NUDT7: variants seen among roughly 807,000 people sequenced by gnomAD.
NUDT7 encodes peroxisomal coenzyme A diphosphatase NUDT7.
A neutral mutation model predicts 13.1 loss-of-function variants in NUDT7; 19 were observed. That is an observed-to-expected ratio of 1.45 (90% CI 1.01 to 2.13). The LOEUF is 2.13. Ranked by LOEUF, NUDT7 falls within the 30% of genes most tolerant of loss-of-function variation. NUDT7 has a pLI of 0.00. For synonymous variants in NUDT7, 132 were observed against 109.7 expected (o/e 1.20, Z -1.27); for missense variants, 360 against 291.7 (o/e 1.23, Z -1.71).
chr16:77,742,082 T>G lies in NUDT7; in HGVS notation c.*132T>G, dbSNP rs950499843. ...TTCTGCAGTATGTAGTTAGAATCCT[T>G]GCCTCTTTTCCAGTTGCCTTCTATT... On this transcript the variant is annotated 3_prime_UTR_variant, in exon 4 of 4. Transcript: ENST00000268533. The G allele has an allele frequency of 7.0e-6, 10 of 1,433,816 alleles. No individual in the cohort carries two copies. Among genetic ancestry groups the G allele is most frequent in the Admixed American group, 5.6e-5 (2 of 35,768 alleles). The allele number at this position is 1,433,816 out of a possible 1,614,324, so 88.8% of individuals were successfully genotyped here.
At chr16:77,723,167 A>G (rs1275629757) in intron 1 of NUDT7, among the ~76,000 whole-genome samples, 1 of 152,184 alleles carries the variant, frequency 6.6e-6, no homozygotes, top group Admixed American at 6.5e-5. Flanking sequence ...GTGGACAGAT[A>G]ACGTTTTTGC....
At chr16:77,735,071 C>T (rs2014435325) in intron 2 of NUDT7, among the ~76,000 whole-genome samples, 1 of 152,102 alleles carries the variant, frequency 6.6e-6, no homozygotes, top group South Asian at 2.1e-4. Flanking sequence ...AAACAACATG[C>T]CCAGAACATA....
In NUDT7 at chr16:77,741,664, T is replaced by C; in HGVS notation, c.431T>C (p.Val144Ala). ...CCGAATCCTGCTGAAGTTAAGGATGTATTCCTGGTGCCTCTGGCCTATTTC... is the reference window on the plus strand; with the variant it reads ...CCGAATCCTGCTGAAGTTAAGGATGCATTCCTGGTGCCTCTGGCCTATTTC... ...AQPNPAEVKD[V>A]FLVPLAYFLH... The change falls in exon 4 of 4, where the codon GTA (valine) becomes GCA (alanine). Residue 144 changes from valine (V) to alanine (A), a missense_variant. Coordinates refer to ENST00000268533, the MANE Select transcript of NUDT7 (RefSeq NM_001105663.3). The C allele has an allele frequency of 6.2e-7, 1 of 1,614,198 alleles. No individual in the cohort carries two copies. Among genetic ancestry groups the C allele is most frequent in the Non-Finnish European group, 8.5e-7 (1 of 1,180,038 alleles).
chr16:77,733,449 C>G (rs2014380274), intron 2 of NUDT7, among the ~76,000 whole-genome samples: 1 of 152,180 alleles, frequency 6.6e-6, no homozygotes, highest in Admixed American at 6.5e-5. Context: ...GCCCCCATGA[C>G]CTAAACACCT....
In NUDT7 at chr16:77,735,870, C is replaced by T. The variant is rs765625065; in HGVS notation, c.232C>T (p.Arg78Cys). The change falls in exon 3 of 4, where the codon CGT (arginine) becomes TGT (cysteine). Residue 78 changes from arginine to cysteine, a missense_variant. By Grantham distance (180) the Arg-to-Cys change is radical. Transcript: ENST00000268533. Reference protein sequence around the residue: ...PGEVCFPGGKRDPTDMDDAAT... With the variant: ...PGEVCFPGGKCDPTDMDDAAT... ...AGAAGTTTGCTTCCCTGGAGGTAAG[C>T]GTGACCCTACAGACATGGATGATGC... 2.5e-5 allele frequency: 41 copies of T among 1,613,980 alleles called. No homozygotes were observed. The highest frequency in any genetic ancestry group is 3.2e-5 in the Non-Finnish European group (38 of 1,179,910).
chr16:77,723,960 C>G (rs2014047724), intron 1 of NUDT7, among the ~76,000 whole-genome samples: 1 of 152,158 alleles, frequency 6.6e-6, no homozygotes, highest in African/African-American at 2.4e-5. Context: ...GCAAAGCTGC[C>G]TTCCCACAGA....
chr16:77,722,947 C>A (rs940850472), intron 1 of NUDT7, among the ~76,000 whole-genome samples: 1 of 152,180 alleles, frequency 6.6e-6, no homozygotes, highest in Non-Finnish European at 1.5e-5. Flanking sequence ...CAGGCAGCCC[C>A]GGATTCAAGT....
chr16:77,735,579 A>G (rs2014453310), intron 2 of NUDT7: 1 of 555,922 alleles, frequency 1.8e-6, no homozygotes. Context: ...GTGCAAGAAC[A>G]GATTAATACA....
chr16:77,725,648 G>C (rs1358886515), intron 2 of NUDT7, 64 bp downstream of exon 2: 1 of 1,506,676 alleles, frequency 6.6e-7, no homozygotes, highest in African/African-American at 1.4e-5. Flanking sequence ...ACGAGATTTT[G>C]TCACTTGCAC....
chr16:77,729,661 A>G (rs1018565062), intron 2 of NUDT7, among the ~76,000 whole-genome samples: 1 of 152,048 alleles, frequency 6.6e-6, no homozygotes, highest in African/African-American at 2.4e-5. Context: ...CCCCATCTCT[A>G]CTAAAAATGC....
Position 77,727,716 on chromosome 16 carries a change from C to T in NUDT7, c.189+2132C>T, listed in dbSNP as rs548588558. Among the ~76,000 whole-genome samples, 146 of 152,054 alleles carry T rather than the reference C, an allele frequency of 9.6e-4. 1 individual carries two copies. Among genetic ancestry groups the T allele is most frequent in the African/African-American group, 3.1e-3 (130 of 41,478 alleles). On this transcript the variant is annotated intron_variant, in intron 2 of 3. Coordinates refer to ENST00000268533, the MANE Select transcript of NUDT7 (RefSeq NM_001105663.3). Reference sequence around the variant, plus strand: ...CTAAAAATACAAAAAATTAGCCAGGCGTGGTGGTGGGTGCCTGTAATCCCA... The same window carrying T: ...CTAAAAATACAAAAAATTAGCCAGGTGTGGTGGTGGGTGCCTGTAATCCCA...
chr16:77,739,427 G>A (rs116932258), intron 3 of NUDT7, among the ~76,000 whole-genome samples: 18,509 of 152,144 alleles, frequency 0.12, 1,233 homozygotes, highest in African/African-American at 0.16. Context: ...TGACATTGCC[G>A]TGGCATTTGT....
intron 2 of NUDT7, among the ~76,000 whole-genome samples, chr16:77,731,549 G>A (rs2145115103): frequency 6.6e-6 from 1 of 152,202 alleles, no homozygotes; most frequent in East Asian, 1.9e-4. Context: ...TATAATACTT[G>A]ATAATGATAA....
intron 1 of NUDT7, among the ~76,000 whole-genome samples, chr16:77,723,594 T>C (rs2014034302): frequency 1.3e-5 from 1 of 78,234 alleles, no homozygotes; most frequent in Admixed American, 1.6e-4. Context: ...TGTATACACT[T>C]TTTTTTTTTT....
Position 77,722,646 on chromosome 16 carries a change from G to T in NUDT7, c.35+29G>T, listed in dbSNP as rs773351632. 10 of 1,578,664 alleles carry T rather than the reference G, an allele frequency of 6.3e-6. No homozygotes were observed. The African/African-American group carries it at 1.1e-4, about 17-fold the overall frequency. On this transcript the variant is annotated intron_variant, in intron 1 of 3. Transcript: ENST00000268533. Reference sequence around the variant, plus strand: ...AAGGCTTTCCGGGCCCTGGCACCCCGAGCTTGGTCAGGCCCGGCCTTGATC... The same window carrying T: ...AAGGCTTTCCGGGCCCTGGCACCCCTAGCTTGGTCAGGCCCGGCCTTGATC...
At chr16:77,729,598 T>C (rs2145111241) in intron 2 of NUDT7, among the ~76,000 whole-genome samples, 1 of 152,212 alleles carries the variant, frequency 6.6e-6, no homozygotes, top group South Asian at 2.1e-4. Context: ...GGCCAAGGTG[T>C]GGGGATCACC....
intron 2 of NUDT7, among the ~76,000 whole-genome samples, chr16:77,728,427 T>C (rs965626906): frequency 6.6e-6 from 1 of 152,098 alleles, no homozygotes; most frequent in African/African-American, 2.4e-5. Flanking sequence ...GAGAGGGAGT[T>C]TCACCATGTT....
intron 2 of NUDT7, among the ~76,000 whole-genome samples, chr16:77,733,838 A>G (rs904287906): frequency 1.3e-5 from 2 of 152,188 alleles, no homozygotes; most frequent in Non-Finnish European, 2.9e-5. Flanking sequence ...GAGAAAGGAT[A>G]GTGGGTACTA....
intron 2 of NUDT7, among the ~76,000 whole-genome samples, chr16:77,731,785 A>G (rs1269793526): frequency 2.6e-5 from 4 of 152,184 alleles, no homozygotes; most frequent in African/African-American, 9.6e-5. Context: ...AGGTAGAGGT[A>G]GAAGACAGTG....
Sources: allele counts gnomAD v4.1 joint callset (sites outside exome capture counted in the v4.1 genomes callset), GRCh38; gene constraint gnomAD v4.1.1; transcripts MANE v1.5; gene names NCBI Gene and HGNC (gene_info 2026-07-23, HGNC 2026-07-21).